The following MYBL1 variants were observed in gnomAD, a reference collection of about 807,000 sequenced individuals.
The protein encoded by MYBL1 is MYB proto-oncogene like 1.
In MYBL1, 17 loss-of-function variants were observed where a neutral mutation model predicts 96.3. That is an observed-to-expected ratio of 0.18 (90% confidence interval 0.12 to 0.26). MYBL1 has a LOEUF of 0.26. Among genes scored for constraint, MYBL1 ranks in the 10% least tolerant of loss-of-function variants. The probability of loss-of-function intolerance (pLI) is 1.00; values close to 1 mark genes in which losing one functional copy is unlikely to be tolerated. For missense variants in MYBL1, 701 were observed against 882.9 expected, an observed-to-expected ratio of 0.79 and a Z score of 2.61; for synonymous variants, 282 against 292.7, an observed-to-expected ratio of 0.96 and a Z score of 0.37.
intron 8 of MYBL1, among the ~76,000 whole-genome samples, chr8:66,581,188 A>G (rs1586569223): frequency 6.6e-6 from 1 of 152,294 alleles, no homozygotes; most frequent in Admixed American, 6.5e-5. Context: ...ATACACTTTT[A>G]TCTGCTTCAT....
intron 8 of MYBL1, among the ~76,000 whole-genome samples, chr8:66,584,584 C>A (rs1437513179): frequency 6.6e-6 from 1 of 152,120 alleles, no homozygotes; most frequent in Non-Finnish European, 1.5e-5. Flanking sequence ...TTTGGCTGGG[C>A]ATGGTGGCTC....
chr8:66,576,409 C>T, intron 9 of MYBL1, 34 bp from the exon 10 acceptor site: 2 of 1,555,210 alleles, frequency 1.3e-6, no homozygotes, highest in Non-Finnish European at 1.7e-6. Flanking sequence ...AAAGTTAATG[C>T]TGTAACCTAG....
In MYBL1 at chr8:66,584,823, T is replaced by G. The variant is rs1331350639; in HGVS notation, c.868-4457A>C. On this transcript the variant is annotated intron_variant, in intron 8 of 15. Transcript: ENST00000522677. ...AAAAAAATAAAATACGTAGGATAAA[T>G]TAAACCAAGAAGGTAAAAGATTTCT... Among the ~76,000 whole-genome samples the G allele has an allele frequency of 4.0e-5, 6 of 151,720 alleles. No homozygotes were observed. The East Asian group carries it at 1.2e-3, about 29-fold the overall frequency.
intron 9 of MYBL1, among the ~76,000 whole-genome samples, chr8:66,577,667 AG>A (rs1390588305): frequency 2.6e-5 from 4 of 152,122 alleles, no homozygotes; most frequent in African/African-American, 9.7e-5. Flanking sequence ...GGTAATTTAT[AG>A]ATTCAGTGCC....
intron 9 of MYBL1, 44 bp downstream of exon 9, chr8:66,580,089 T>C (rs778772271): frequency 1.1e-5 from 15 of 1,382,632 alleles, no homozygotes; most frequent in East Asian, 2.4e-5. Context: ...TGAAATCATA[T>C]AACTAAAATT....
chr8:66,566,317 G>T, intron 14 of MYBL1, 74 bp from the exon 15 acceptor site: 1 of 826,038 alleles, frequency 1.2e-6, no homozygotes, highest in Non-Finnish European at 1.8e-6. Context: ...CTGAGTAAGT[G>T]GTAATGGAAG....
At chr8:66,607,807 T>C (rs1213355517) in intron 1 of MYBL1, among the ~76,000 whole-genome samples, 2 of 152,142 alleles carry the variant, frequency 1.3e-5, no homozygotes, top group East Asian at 3.8e-4. Flanking sequence ...AGGTATCTAC[T>C]GTACTGTTTA....
rs372100653 is a variant in MYBL1 at position 66,602,029 on chromosome 8, A to G, written c.127-260T>C. ...CTTTTCTCATATTTTGTTTTTAAAT[A>G]TCTTTCATAACTATAGCAGCATTTT... is the stretch of plus-strand genomic sequence containing the variant. On this transcript the variant is annotated intron_variant, in intron 2 of 15. Transcript: ENST00000522677. Among the ~76,000 whole-genome samples the G allele has an allele frequency of 3.0e-4, 45 of 152,220 alleles. 2 individuals carry two copies. In the East Asian group the frequency reaches 7.9e-3, roughly 27 times the overall value.
intron 5 of MYBL1, 44 bp from the exon 6 acceptor site, chr8:66,595,801 C>T: frequency 2.4e-6 from 3 of 1,261,312 alleles, no homozygotes; most frequent in Non-Finnish European, 3.2e-6. Flanking sequence ...AAGGATTCCA[C>T]AGATTTCAAC....
At chr8:66,587,520 C>T (rs558725047) in intron 8 of MYBL1, among the ~76,000 whole-genome samples, 2 of 152,196 alleles carry the variant, frequency 1.3e-5, no homozygotes, top group African/African-American at 4.8e-5. Context: ...ATCTTGCAAG[C>T]CTAGTTTTCT....
At chr8:66,584,939 A>C (rs1292364465) in intron 8 of MYBL1, among the ~76,000 whole-genome samples, 1 of 152,206 alleles carries the variant, frequency 6.6e-6, no homozygotes, top group African/African-American at 2.4e-5. Context: ...AGAAGAATTA[A>C]TATTGTGAAA....
rs373752400 is a variant in MYBL1 at position 66,576,108 on chromosome 8, G to A, written c.1369C>T (p.His457Tyr). 29 of 1,613,982 alleles carry A rather than the reference G, an allele frequency of 1.8e-5. No individual in the cohort carries two copies. The Middle Eastern group carries it at 6.6e-4, about 37-fold the overall frequency. ...LRKKRKMRVG[H>Y]SPGSELRDGS... ...TCCCTAAGTTCGCTGCCTGGGGAAT[G>A]ACCCACTCGCATTTTTCTCTTCTTT... Residue 457 changes from histidine (H) to tyrosine (Y), a missense_variant, in exon 10 of 16, where the codon CAT (histidine) becomes TAT (tyrosine). Physicochemically the swap from His to Tyr is moderately conservative, Grantham distance 83. Transcript: ENST00000522677.
At chr8:66,572,755 A>G (rs1294204828) in intron 11 of MYBL1, among the ~76,000 whole-genome samples, 159 bp from the exon 12 acceptor site, 2 of 152,224 alleles carry the variant, frequency 1.3e-5, no homozygotes, top group Non-Finnish European at 2.9e-5. Context: ...CACCTATGGT[A>G]ATTCTGATTT....
chr8:66,585,011 A>C (rs1421106772), intron 8 of MYBL1, among the ~76,000 whole-genome samples: 2 of 152,200 alleles, frequency 1.3e-5, no homozygotes. Flanking sequence ...TACCAACGAC[A>C]TTCTCCCCAA....
At chr8:66,571,876 C>CA (rs113777940) in intron 12 of MYBL1, among the ~76,000 whole-genome samples, 1,879 of 104,040 alleles carry the variant, frequency 0.018, 42 homozygotes, top group African/African-American at 0.059. Context: ...GACTGCGTCT[C>CA]AAAAAAAAAA....
intron 8 of MYBL1, among the ~76,000 whole-genome samples, chr8:66,591,408 G>C (rs1373267552): frequency 1.3e-5 from 2 of 151,712 alleles, no homozygotes; most frequent in Non-Finnish European, 2.9e-5. Context: ...ATATAAACTT[G>C]TATCTTTCTT....
chr8:66,606,965 ATT>A (rs1454919897), intron 1 of MYBL1, among the ~76,000 whole-genome samples: 1 of 151,672 alleles, frequency 6.6e-6, no homozygotes, highest in Non-Finnish European at 1.5e-5. Context: ...TAATTTTTGA[ATT>A]TTTTTCGTAG....
Position 66,595,658 on chromosome 8 carries a change from T to G in MYBL1, c.612A>C (p.Ser204=). ...CACAAGGTTTGTGTTGAAGTTTAGA[T>G]GAAGATCGTTCTGATTTTATTCCAT... ...LQDGIKSERS[S]SKLQHKPCAA... The change falls in exon 6 of 16, where the codon TCA becomes TCC. Residue 204 remains serine, a synonymous_variant. Transcript: ENST00000522677. The G allele has an allele frequency of 1.3e-6, 2 of 1,588,500 alleles. No individual in the cohort carries two copies. The highest frequency in any genetic ancestry group is 2.3e-5 in the East Asian group (1 of 43,986).
chr8:66,566,266 G>A lies in MYBL1; in HGVS notation c.1951-23C>T, dbSNP rs771094402. On this transcript the variant is annotated intron_variant, in intron 14 of 15. Transcript: ENST00000522677. ...TGACTAAGAGAGAAAAAAGAAAGAGGAAAATAACTAATTCAAAAATGGAGA... is the reference window on the plus strand; with the variant it reads ...TGACTAAGAGAGAAAAAAGAAAGAGAAAAATAACTAATTCAAAAATGGAGA... The A allele has an allele frequency of 5.1e-6, 7 of 1,379,426 alleles. No homozygotes were observed. In the African/African-American group the frequency reaches 7.4e-5, roughly 15 times the overall value. The allele number at this position is 1,379,426 out of a possible 1,614,324, so 85.4% of individuals were successfully genotyped here.
Sources: allele counts gnomAD v4.1 joint callset (sites outside exome capture counted in the v4.1 genomes callset), GRCh38; gene constraint gnomAD v4.1.1; transcripts MANE v1.5; gene names NCBI Gene and HGNC (gene_info 2026-07-23, HGNC 2026-07-21).